The following GRIN2B variants were observed in gnomAD, a reference collection of about 807,000 sequenced individuals.
GRIN2B encodes glutamate ionotropic receptor NMDA type subunit 2B, also known as glutamate receptor ionotropic, NMDA 2B.
GRIN2B carries 5 observed loss-of-function variants against 114.5 expected under a neutral mutation model. The ratio of observed to expected loss-of-function variants is 0.04; its 90% CI spans 0.02 to 0.09. The LOEUF is 0.09. Ranked by LOEUF, GRIN2B falls within the 10% of genes least tolerant of loss-of-function variation. The pLI, the probability that GRIN2B is intolerant of heterozygous loss-of-function variation, is 1.00. For synonymous variants in GRIN2B, 787 were observed against 745.1 expected, an observed-to-expected ratio of 1.06 and a Z score of -0.92; for missense variants, 1,108 against 1,943.5, an observed-to-expected ratio of 0.57 and a Z score of 8.08.
At position 13,564,079 on chromosome 12, in the gene GRIN2B, G is replaced by A. The variant is rs776986575; in HGVS notation, c.3159C>T (p.Asp1053=). ...CAGAGACATCGGAGCGGATCAAGTC[G>A]TCGTGGCCACTGTAGCGGTCGCTCT... ...SFKSDRYSGH[D]DLIRSDVSDI... is the part of the protein sequence containing the mutation. The change falls in exon 14 of 14, where the codon GAC becomes GAT. Residue 1053 remains aspartate (D), a synonymous_variant. Transcript: ENST00000609686. This position sits in a 1 kb window ranked among gnomAD's most constrained non-coding sequence, Gnocchi z 4.8. 30 of 1,614,078 alleles carry A rather than the reference G, an allele frequency of 1.9e-5. No individual in the cohort carries two copies. Among genetic ancestry groups the A allele is most frequent in the African/African-American group, 4.0e-5 (3 of 74,944 alleles).
intron 4 of GRIN2B, among the ~76,000 whole-genome samples, chr12:13,734,516 A>C (rs1026205760): frequency 2.0e-5 from 3 of 152,256 alleles, no homozygotes; most frequent in Non-Finnish European, 2.9e-5. Context: ...AGTCATTTTC[A>C]CACATGAAGA....
intron 2 of GRIN2B, among the ~76,000 whole-genome samples, chr12:13,958,642 C>T (rs886685139): frequency 6.6e-6 from 1 of 152,104 alleles, no homozygotes; most frequent in Non-Finnish European, 1.5e-5. Flanking sequence ...CGTGGGCAAC[C>T]TCTGACGGAG....
chr12:13,710,992 A>G (rs1340580462), intron 4 of GRIN2B, among the ~76,000 whole-genome samples: 2 of 152,196 alleles, frequency 1.3e-5, no homozygotes, highest in African/African-American at 4.8e-5. Flanking sequence ...ACAAGGCCAC[A>G]GTAACCAAAA....
chr12:13,786,424 C>A (rs1864222262), intron 3 of GRIN2B, among the ~76,000 whole-genome samples: 1 of 152,154 alleles, frequency 6.6e-6, no homozygotes, highest in South Asian at 2.1e-4. Context: ...CTCATTCTAT[C>A]CTACTTTATG....
chr12:13,734,506 A>C (rs776528768), intron 4 of GRIN2B, among the ~76,000 whole-genome samples: 1 of 152,232 alleles, frequency 6.6e-6, no homozygotes. Flanking sequence ...GAATCCAAAG[A>C]GTCATTTTCA....
intron 4 of GRIN2B, among the ~76,000 whole-genome samples, chr12:13,693,202 A>G (rs1950230202): frequency 6.6e-6 from 1 of 152,088 alleles, no homozygotes; most frequent in Non-Finnish European, 1.5e-5. Flanking sequence ...AAGTCTTTAT[A>G]CCAATTAGCT....
At chr12:13,571,746 T>G in intron 11 of GRIN2B, 58 bp downstream of exon 11, 1 of 1,562,572 alleles carries the variant, frequency 6.4e-7, no homozygotes, top group Non-Finnish European at 8.8e-7. Flanking sequence ...GATTCAATAG[T>G]ATGCTTAATA....
intron 2 of GRIN2B, among the ~76,000 whole-genome samples, chr12:13,943,479 C>A (rs1257088222): frequency 1.3e-5 from 2 of 152,130 alleles, no homozygotes; most frequent in Non-Finnish European, 2.9e-5. Context: ...AGAATAAAAT[C>A]CAAGCTTTTG....
chr12:13,780,397 CCTCCCAAATA>C (rs1396126762), intron 3 of GRIN2B, among the ~76,000 whole-genome samples: 15 of 152,098 alleles, frequency 9.9e-5, no homozygotes, highest in Non-Finnish European at 2.2e-4. Flanking sequence ...TATAATTTAC[CCTCCCAAATA>C]TTGCAGAATG....
chr12:13,969,329 T>C (rs1867839805), intron 2 of GRIN2B, among the ~76,000 whole-genome samples: 1 of 152,228 alleles, frequency 6.6e-6, no homozygotes, highest in Non-Finnish European at 1.5e-5. Flanking sequence ...TTTTTTAACA[T>C]GGAAGCAACT....
chr12:13,695,401 T>C (rs999171095), intron 4 of GRIN2B, among the ~76,000 whole-genome samples: 7 of 152,172 alleles, frequency 4.6e-5, no homozygotes, highest in African/African-American at 1.4e-4. Flanking sequence ...GCTTGTTTTA[T>C]AGAGAAGTAA....
At chr12:13,673,583 T>C (rs1209616858) in intron 5 of GRIN2B, among the ~76,000 whole-genome samples, 1 of 152,104 alleles carries the variant, frequency 6.6e-6, no homozygotes, top group African/African-American at 2.4e-5. Flanking sequence ...ACATAGTCCC[T>C]GGATCATATA....
chr12:13,918,221 T>C (rs1289291030), intron 2 of GRIN2B, among the ~76,000 whole-genome samples: 2 of 152,198 alleles, frequency 1.3e-5, no homozygotes, highest in African/African-American at 4.8e-5. Flanking sequence ...CCTCACAAGA[T>C]TTCTGCAAAG....
At chr12:13,864,285 G>A (rs950855895) in intron 3 of GRIN2B, among the ~76,000 whole-genome samples, 38 of 152,156 alleles carry the variant, frequency 2.5e-4, no homozygotes, top group African/African-American at 7.7e-4. Flanking sequence ...TGGCGGTAAC[G>A]GTCATGCAAG....
chr12:13,715,035 G>T (rs1044713157), intron 4 of GRIN2B, among the ~76,000 whole-genome samples: 2 of 151,812 alleles, frequency 1.3e-5, no homozygotes, highest in East Asian at 3.9e-4. Flanking sequence ...AGTTCTTAGC[G>T]CATTGCTGGA....
intron 3 of GRIN2B, among the ~76,000 whole-genome samples, chr12:13,760,401 A>T (rs1009245041): frequency 6.6e-6 from 1 of 152,200 alleles, no homozygotes; most frequent in Non-Finnish European, 1.5e-5. Flanking sequence ...TGGCTATCCA[A>T]CTGTGATTAT....
At position 13,555,758 on chromosome 12, in the gene GRIN2B, A is replaced by C. The variant is rs532110105; in HGVS notation, c.*7025T>G. ...GCCTGTTGAAAGACAGGACATGAAC[A>C]TGAAAGGAAAATAAAACAAATTTAT... is the stretch of plus-strand genomic sequence containing the variant. On this transcript the variant is annotated 3_prime_UTR_variant, in exon 14 of 14. Transcript: ENST00000609686. 6.6e-6 allele frequency: 1 copy of C among 152,320 alleles called. No individual in the cohort carries two copies. The highest frequency in any genetic ancestry group is 2.1e-4 in the South Asian group (1 of 4,826). 9.4% of individuals were successfully genotyped at this position (152,320 alleles called of 1,614,324 possible). A position where few individuals can be genotyped will look rare whatever the true frequency, so the allele number is the denominator to read the frequency against.
At chr12:13,914,348 A>C (rs1204342600) in intron 2 of GRIN2B, among the ~76,000 whole-genome samples, 2 of 152,120 alleles carry the variant, frequency 1.3e-5, no homozygotes, top group Admixed American at 6.6e-5. Context: ...CATCTGTAAA[A>C]AGCAGACCAC....
intron 8 of GRIN2B, among the ~76,000 whole-genome samples, chr12:13,614,016 CAAAAA>C (rs77527098): frequency 0.041 from 3,852 of 92,930 alleles, 88 homozygotes; most frequent in African/African-American, 0.12. Flanking sequence ...CCTTGCACAG[CAAAAA>C]AAAAAAAAAA....
Sources: gnomAD v4.1 joint callset for allele counts (sites outside exome capture counted in the v4.1 genomes callset) on GRCh38, gnomAD v4.1.1 for gene constraint, Gnocchi (gnomAD v3.1) non-coding constraint, MANE v1.5 for transcripts, NCBI Gene and HGNC (gene_info 2026-07-23, HGNC 2026-07-21) for gene names.